SAMMSON: variants seen among roughly 807,000 people sequenced by gnomAD.
The protein encoded by SAMMSON is survival associated mitochondrial melanoma specific oncogenic non-coding RNA, also known as long intergenic non-protein coding RNA 1212.
At chr3:70,207,033 CTTT>C (rs11317960) in intron 4 of SAMMSON, among the ~76,000 whole-genome samples, 64 of 139,634 alleles carry the variant, frequency 4.6e-4, no homozygotes, top group African/African-American at 1.2e-3. Context: ...CTTATTTCTA[CTTT>C]TTTTTTTTTT....
chr3:70,183,986 A>G (rs947193202), intron 4 of SAMMSON: 2 of 152,154 alleles, frequency 1.3e-5, no homozygotes, highest in Non-Finnish European at 2.9e-5. Context: ...AAGATTCCCA[A>G]TTCGTAGTTC....
At chr3:70,324,891 A>G (rs945675375) in intron 7 of SAMMSON, among the ~76,000 whole-genome samples, 6 of 149,362 alleles carry the variant, frequency 4.0e-5, no homozygotes, top group Non-Finnish European at 8.9e-5. Flanking sequence ...CTTCTCCATC[A>G]TGAGTTGGAA....
In SAMMSON at chr3:70,365,970, C is replaced by CTTTT. The variant is rs1193657961; in HGVS notation, n.913+7674_913+7677dup. Among the ~76,000 whole-genome samples, 46 of 27,780 alleles carry CTTTT rather than the reference C, an allele frequency of 1.7e-3. 7 individuals carry two copies. The highest frequency in any genetic ancestry group is 2.4e-3 in the Non-Finnish European group (33 of 13,736). 18.2% of individuals were successfully genotyped at this position (27,780 alleles called of 152,430 possible). ...AAAAATTGTTTGTGCTTTACCTTTT[C>CTTTT]TTTTTTTTTTTTTTTTTTTTTTTTT... On this transcript the variant is annotated intron_variant and non_coding_transcript_variant, in intron 9 of 9. Coordinates refer to ENST00000642114, the Ensembl canonical transcript of SAMMSON.
At chr3:70,137,685 C>A (rs1170451181) in intron 4 of SAMMSON, 3 of 152,078 alleles carry the variant, frequency 2.0e-5, no homozygotes, top group Non-Finnish European at 2.9e-5. Context: ...TTCTAATGGC[C>A]ACAGTTTTTA....
At chr3:70,342,722 C>T (rs1225662465) in intron 7 of SAMMSON, among the ~76,000 whole-genome samples, 8 of 152,130 alleles carry the variant, frequency 5.3e-5, no homozygotes, top group Admixed American at 4.6e-4. Flanking sequence ...AACCAATGGC[C>T]AAGGGACAGT....
chr3:70,177,788 T>G (rs750921466), intron 4 of SAMMSON, among the ~76,000 whole-genome samples: 2 of 152,190 alleles, frequency 1.3e-5, no homozygotes, highest in Non-Finnish European at 2.9e-5. Flanking sequence ...AAATTCAAAC[T>G]GAGTTCTGTC....
At chr3:70,319,929 A>C (rs1702524674) in intron 7 of SAMMSON, among the ~76,000 whole-genome samples, 1 of 152,094 alleles carries the variant, frequency 6.6e-6, no homozygotes, top group Non-Finnish European at 1.5e-5. Context: ...ACTAGAACAG[A>C]ATAGACTGTT....
At chr3:70,002,400 A>C (rs2066909509) in intron 1 of SAMMSON, among the ~76,000 whole-genome samples, 1 of 152,204 alleles carries the variant, frequency 6.6e-6, no homozygotes, top group South Asian at 2.1e-4. Context: ...CTGAGTGAAA[A>C]GGTAATTCTC....
intron 6 of SAMMSON, among the ~76,000 whole-genome samples, chr3:70,255,425 A>AT (rs5849942): frequency 1.3e-5 from 2 of 151,634 alleles, no homozygotes; most frequent in Non-Finnish European, 2.9e-5. Context: ...TGATTCAGTA[A>AT]TTTTTTTTTC....
chr3:70,000,901 C>G (rs2066903094), intron 1 of SAMMSON, among the ~76,000 whole-genome samples: 2 of 152,186 alleles, frequency 1.3e-5, no homozygotes, highest in South Asian at 2.1e-4. Flanking sequence ...GGAGCCCCAG[C>G]GTGATGACCA....
chr3:70,289,677 C>T (rs1418209225), intron 6 of SAMMSON, among the ~76,000 whole-genome samples: 1 of 152,004 alleles, frequency 6.6e-6, no homozygotes, highest in Non-Finnish European at 1.5e-5. Context: ...TTCCATTCTC[C>T]CCATCACTTT....
intron 4 of SAMMSON, chr3:70,071,895 CACTGAATAG>C (rs2067231362): frequency 1.3e-5 from 2 of 151,940 alleles, no homozygotes; most frequent in Admixed American, 6.6e-5. Context: ...GGCTTTTTGA[CACTGAATAG>C]ACAATGTTGT....
At chr3:70,429,269 T>C (rs943213006) in intron 2 of SAMMSON, among the ~76,000 whole-genome samples, 2 of 152,180 alleles carry the variant, frequency 1.3e-5, no homozygotes, top group Non-Finnish European at 2.9e-5. Flanking sequence ...AAAGATCAGA[T>C]GGTTGCAGAT....
chr3:70,352,114 A>G (rs1575631803), intron 7 of SAMMSON, among the ~76,000 whole-genome samples: 1 of 145,810 alleles, frequency 6.9e-6, no homozygotes. Context: ...ATCTGGCAAA[A>G]AAAAAAAAAA....
At chr3:70,004,431 G>A (rs2066918343) in intron 1 of SAMMSON, among the ~76,000 whole-genome samples, 1 of 152,100 alleles carries the variant, frequency 6.6e-6, no homozygotes, top group South Asian at 2.1e-4. Context: ...TAATCAATAT[G>A]TACTTTATTA....
chr3:70,150,867 A>G (rs986608747), intron 4 of SAMMSON, among the ~76,000 whole-genome samples: 3 of 152,056 alleles, frequency 2.0e-5, no homozygotes, highest in Non-Finnish European at 4.4e-5. Context: ...CTTAAAGGCT[A>G]CAAATAACAA....
intron 7 of SAMMSON, among the ~76,000 whole-genome samples, chr3:70,313,482 GA>G (rs753766688): frequency 3.5e-3 from 451 of 128,336 alleles, no homozygotes; most frequent in Middle Eastern, 8.3e-3. Flanking sequence ...TGTCTGAAAG[GA>G]AAAAAAAAAA....
intron 6 of SAMMSON, among the ~76,000 whole-genome samples, chr3:70,282,529 T>G (rs1702097637): frequency 6.6e-6 from 1 of 152,322 alleles, no homozygotes; most frequent in African/African-American, 2.4e-5. Flanking sequence ...TCAGCCTGGT[T>G]CATTCTATTT....
chr3:70,422,350 T>C (rs1283550301), intron 2 of SAMMSON, among the ~76,000 whole-genome samples: 4 of 152,112 alleles, frequency 2.6e-5, no homozygotes, highest in African/African-American at 9.6e-5. Context: ...GTGTTATGTT[T>C]ATTAACTAAC....
Sources: allele counts gnomAD v4.1 joint callset (sites outside exome capture counted in the v4.1 genomes callset), GRCh38; gene constraint gnomAD v4.1.1; transcripts MANE v1.5; gene names NCBI Gene and HGNC (gene_info 2026-07-23, HGNC 2026-07-21).